Variants in MYO1E observed in about 807,000 individuals in gnomAD.
MYO1E encodes the protein myosin IE, also known as unconventional myosin-Ie.
MYO1E carries 68 observed loss-of-function variants against 151.1 expected under a neutral mutation model. The ratio of observed to expected loss-of-function variants is 0.45; its 90% CI spans 0.37 to 0.55. The LOEUF (loss-of-function observed/expected upper bound fraction) is 0.55, where lower values mean the gene tolerates loss of function less well. Ranked by LOEUF, MYO1E falls within the 20% of genes least tolerant of loss-of-function variation. The probability of loss-of-function intolerance (pLI) is 0.00; values close to 1 mark genes in which losing one functional copy is unlikely to be tolerated. For synonymous variants in MYO1E, 601 were observed against 501.7 expected (o/e 1.20, Z -2.64); for missense variants, 1,363 against 1,389.3 (o/e 0.98, Z 0.30).
chr15:59,272,106 A>G, intron 2 of MYO1E, 200 bp downstream of exon 2: 1 of 580,104 alleles, frequency 1.7e-6, no homozygotes, highest in East Asian at 3.1e-5. Flanking sequence ...GAATAAAGCC[A>G]CAAGTTCAGT....
rs1373219632 is a variant in MYO1E at position 59,232,794 on chromosome 15, A to G, written c.421-1003T>C. Among the ~76,000 whole-genome samples, 7 of 152,216 alleles carry G rather than the reference A, an allele frequency of 4.6e-5. No individual in the cohort carries two copies. In the East Asian group the frequency reaches 1.3e-3, roughly 29 times the overall value. On this transcript the variant is annotated intron_variant, in intron 5 of 27. Coordinates refer to ENST00000288235, the MANE Select transcript of MYO1E (RefSeq NM_004998.4). Reference sequence around the variant, plus strand: ...GGCTACTAGGTCGTAGGGGTGTAGCAAAGAGGAGTAAATTAATGAACTACT... The same window carrying G: ...GGCTACTAGGTCGTAGGGGTGTAGCGAAGAGGAGTAAATTAATGAACTACT...
chr15:59,206,868 C>G, intron 14 of MYO1E: 1 of 1,477,284 alleles, frequency 6.8e-7, no homozygotes, highest in South Asian at 1.3e-5. Context: ...CTGCCAACGG[C>G]TCTCTTGGCG....
At chr15:59,335,886 C>T (rs569963391) in intron 1 of MYO1E, among the ~76,000 whole-genome samples, 3 of 152,064 alleles carry the variant, frequency 2.0e-5, no homozygotes, top group Non-Finnish European at 2.9e-5. Context: ...GGACTATAAG[C>T]GGTGCTGTCT....
intron 1 of MYO1E, among the ~76,000 whole-genome samples, chr15:59,289,469 A>C (rs1384305351): frequency 6.6e-6 from 1 of 152,188 alleles, no homozygotes; most frequent in African/African-American, 2.4e-5. Flanking sequence ...ATTAGGTTTT[A>C]ATATTTTCTT....
At chr15:59,277,331 G>T (rs1329645734) in intron 1 of MYO1E, among the ~76,000 whole-genome samples, 2 of 152,144 alleles carry the variant, frequency 1.3e-5, no homozygotes, top group African/African-American at 2.4e-5. Context: ...CGGATCACAA[G>T]CTCAAGAGAT....
intron 23 of MYO1E, among the ~76,000 whole-genome samples, chr15:59,161,847 C>T (rs754735750): frequency 5.3e-5 from 8 of 152,088 alleles, no homozygotes; most frequent in Non-Finnish European, 8.8e-5. Context: ...ATTATGCAAT[C>T]CTTATTCTGT....
At chr15:59,371,689 G>A (rs1596447786) in intron 1 of MYO1E, among the ~76,000 whole-genome samples, 1 of 152,146 alleles carries the variant, frequency 6.6e-6, no homozygotes, top group South Asian at 2.1e-4. Context: ...GCGTCTTCCC[G>A]TGCGAAGCGT....
intron 13 of MYO1E, among the ~76,000 whole-genome samples, chr15:59,209,967 T>G (rs2079868887): frequency 6.6e-6 from 1 of 151,644 alleles, no homozygotes; most frequent in Non-Finnish European, 1.5e-5. Context: ...CCAGAGTAGC[T>G]GGGACTACAG....
Position 59,171,859 on chromosome 15 carries a change from A to C in MYO1E, c.2480+38T>G, listed in dbSNP as rs114316226. On this transcript the variant is annotated intron_variant, in intron 22 of 27. Coordinates refer to ENST00000288235, the MANE Select transcript of MYO1E (RefSeq NM_004998.4). ...AACAGCGGACCGTGATGCTGAGGCG[A>C]GAAGGGGCAGTCCTGCCTCTGCACC... The C allele has an allele frequency of 1.5e-3, 2,354 of 1,613,776 alleles. 27 individuals carry two copies. The African/African-American group carries it at 0.028, about 19-fold the overall frequency.
intron 4 of MYO1E, among the ~76,000 whole-genome samples, chr15:59,241,006 G>A (rs1596380992): frequency 1.3e-5 from 2 of 152,216 alleles, no homozygotes; most frequent in African/African-American, 4.8e-5. Context: ...ATGTGGGTAT[G>A]GCTTTAGGGA....
At position 59,235,832 on chromosome 15, in the gene MYO1E, C is replaced by A. The variant is rs190288354; in HGVS notation, c.420+753G>T. Reference sequence around the variant, plus strand: ...GTGTCCCTACTTCCTACCAATCAAGCGTTTAAAACATGGTAAGATTCTGGC... The same window carrying A: ...GTGTCCCTACTTCCTACCAATCAAGAGTTTAAAACATGGTAAGATTCTGGC... On this transcript the variant is annotated intron_variant, in intron 5 of 27. Transcript: ENST00000288235. 8.9e-4 allele frequency among the ~76,000 whole-genome samples: 136 copies of A among 152,252 alleles called. 1 individual carries two copies. The highest frequency in any genetic ancestry group is 3.1e-3 in the African/African-American group (129 of 41,552).
At chr15:59,330,009 A>T (rs990230165) in intron 1 of MYO1E, among the ~76,000 whole-genome samples, 2 of 152,198 alleles carry the variant, frequency 1.3e-5, no homozygotes, top group African/African-American at 4.8e-5. Flanking sequence ...CTGATGCTTT[A>T]TTTTTTAAGA....
At chr15:59,266,650 T>C (rs181554605) in intron 2 of MYO1E, 2 of 151,720 alleles carry the variant, frequency 1.3e-5, no homozygotes, top group African/African-American at 4.8e-5. Context: ...ATTTTGTTTT[T>C]TGTTTTGCTG....
intron 16 of MYO1E, among the ~76,000 whole-genome samples, chr15:59,200,834 G>C (rs2079796940): frequency 6.6e-6 from 1 of 151,652 alleles, no homozygotes; most frequent in South Asian, 2.1e-4. Context: ...TCTTAAGATA[G>C]ACTCCATTTT....
At position 59,307,406 on chromosome 15, in the gene MYO1E, C is replaced by A. The variant is rs1039205285; in HGVS notation, c.4-34957G>T. On this transcript the variant is annotated intron_variant, in intron 1 of 27. Transcript: ENST00000288235. Reference sequence around the variant, plus strand: ...TGGCTTACAGACAACAGCAGCTGGGCAGCTGGGGCTGGCCACCATGGGAAA... The same window carrying A: ...TGGCTTACAGACAACAGCAGCTGGGAAGCTGGGGCTGGCCACCATGGGAAA... Among the ~76,000 whole-genome samples, 3 of 152,288 alleles carry A rather than the reference C, an allele frequency of 2.0e-5. No individual in the cohort carries two copies. The Middle Eastern group carries it at 0.01, about 518-fold the overall frequency.
intron 26 of MYO1E, among the ~76,000 whole-genome samples, chr15:59,143,303 G>C (rs1378964082): frequency 6.6e-6 from 1 of 152,212 alleles, no homozygotes; most frequent in Non-Finnish European, 1.5e-5. Flanking sequence ...GCAGCTTTGA[G>C]ATGGGTGTGG....
intron 23 of MYO1E, among the ~76,000 whole-genome samples, chr15:59,162,818 G>A (rs1267187537): frequency 6.6e-6 from 1 of 152,086 alleles, no homozygotes; most frequent in Non-Finnish European, 1.5e-5. Flanking sequence ...TGCTTCCAGT[G>A]TGATTCTACT....
intron 1 of MYO1E, among the ~76,000 whole-genome samples, chr15:59,359,155 G>C (rs972948314): frequency 1.3e-5 from 2 of 151,842 alleles, no homozygotes; most frequent in African/African-American, 4.8e-5. Flanking sequence ...GTTGGGCACA[G>C]TAGCTGTCAC....
At chr15:59,298,789 C>G (rs754648169) in intron 1 of MYO1E, among the ~76,000 whole-genome samples, 1 of 152,174 alleles carries the variant, frequency 6.6e-6, no homozygotes, top group Non-Finnish European at 1.5e-5. Flanking sequence ...AAGAGGTTGC[C>G]AACATCTGTC....
Sources: gnomAD v4.1 joint callset for allele counts (sites outside exome capture counted in the v4.1 genomes callset) on GRCh38, gnomAD v4.1.1 for gene constraint, MANE v1.5 for transcripts, NCBI Gene and HGNC (gene_info 2026-07-23, HGNC 2026-07-21) for gene names.